KCNQ1: variants seen among roughly 807,000 people sequenced by gnomAD.
KCNQ1 encodes the protein potassium voltage-gated channel subfamily KQT member 1.
KCNQ1 carries 49 observed loss-of-function variants against 72.4 expected under a neutral mutation model. That is an observed-to-expected ratio of 0.68 (90% confidence interval 0.54 to 0.86). The LOEUF is 0.86. KCNQ1 is among the 40% of genes least tolerant of loss of function. KCNQ1 has a pLI of 0.00. For missense variants in KCNQ1, 790 were observed against 945.1 expected, an observed-to-expected ratio of 0.84 and a Z score of 2.15; for synonymous variants, 450 against 412.6, an observed-to-expected ratio of 1.09 and a Z score of -1.10.
In KCNQ1 at chr11:2,737,316, C is replaced by T. The variant is rs74728949; in HGVS notation, c.1515-31528C>T. Among the ~76,000 whole-genome samples, 1,996 of 152,240 alleles carry T rather than the reference C, an allele frequency of 0.013. 87 individuals are homozygous for T. The East Asian group carries it at 0.14, about 11-fold the overall frequency. ...AGCTGCTGCCGTGTGGGTGGATGTCCGGCCACTGCCCAGCCACCTCTCTGT... is the reference window on the plus strand; with the variant it reads ...AGCTGCTGCCGTGTGGGTGGATGTCTGGCCACTGCCCAGCCACCTCTCTGT... On this transcript the variant is annotated intron_variant, in intron 11 of 15. Coordinates refer to ENST00000155840, the MANE Select transcript of KCNQ1 (RefSeq NM_000218.3).
In KCNQ1 at chr11:2,674,861, G is replaced by T. The variant is rs184476132; in HGVS notation, c.1514+12780G>T. On this transcript the variant is annotated intron_variant, in intron 11 of 15. Transcript: ENST00000155840. The surrounding 1 kb of genome is among the most constrained non-coding windows in gnomAD (Gnocchi z 5.9). Reference sequence around the variant, plus strand: ...AAAAAAAAAAAAAAAAAAAAAAAAAGCTCACTGGGCACCTTGGCTGCAGGG... The same window carrying T: ...AAAAAAAAAAAAAAAAAAAAAAAAATCTCACTGGGCACCTTGGCTGCAGGG... The T allele has an allele frequency of 3.3e-6, 1 of 302,870 alleles. No individual in the cohort carries two copies. Among genetic ancestry groups the T allele is most frequent in the African/African-American group, 3.9e-5 (1 of 25,972 alleles). The allele number at this position is 302,870 out of a possible 1,614,324, so 18.8% of individuals were successfully genotyped here.
Position 2,571,994 on chromosome 11 carries a change from C to T in KCNQ1, c.684-19C>T. 6.2e-7 allele frequency: 1 copy of T among 1,606,022 alleles called. No individual in the cohort carries two copies. Among genetic ancestry groups the T allele is most frequent in the Non-Finnish European group, 8.5e-7 (1 of 1,175,456 alleles). On this transcript the variant is annotated intron_variant, in intron 4 of 15. Coordinates refer to ENST00000155840, the MANE Select transcript of KCNQ1 (RefSeq NM_000218.3). Reference sequence around the variant, plus strand: ...GAGCCCAGCCTGGCTCCCTCAGCCCCACACCATCTCCTTCGCAGGGGCATC... The same window carrying T: ...GAGCCCAGCCTGGCTCCCTCAGCCCTACACCATCTCCTTCGCAGGGGCATC...
At position 2,676,675 on chromosome 11, in the gene KCNQ1, G is replaced by A. The variant is rs1850300590; in HGVS notation, c.1514+14594G>A. 5.0e-6 allele frequency: 2 copies of A among 398,662 alleles called. No individual in the cohort carries two copies. The highest frequency in any genetic ancestry group is 8.8e-6 in the Non-Finnish European group (2 of 226,074). The allele number at this position is 398,662 out of a possible 1,614,324, so 24.7% of individuals were successfully genotyped here. A position where few individuals can be genotyped will look rare whatever the true frequency, so the allele number is the denominator to read the frequency against. ...TCATTAAGGTCTTGAGTATTTCCAAGGGAGCACTAACTGGACTACAGCCTG... is the reference window on the plus strand; with the variant it reads ...TCATTAAGGTCTTGAGTATTTCCAAAGGAGCACTAACTGGACTACAGCCTG... On this transcript the variant is annotated intron_variant, in intron 11 of 15. Coordinates refer to ENST00000155840, the MANE Select transcript of KCNQ1 (RefSeq NM_000218.3). This position sits in a 1 kb window ranked among gnomAD's most constrained non-coding sequence, Gnocchi z 4.2.
chr11:2,583,697 G>A (rs1270168422), intron 7 of KCNQ1, 152 bp downstream of exon 7: 20 of 701,944 alleles, frequency 2.8e-5, no homozygotes, highest in South Asian at 1.3e-4. Context: ...AGCCCCACCT[G>A]CCCTCCCTGG....
intron 15 of KCNQ1, among the ~76,000 whole-genome samples, chr11:2,794,174 T>C (rs1847085582): frequency 1.3e-5 from 2 of 152,116 alleles, no homozygotes; most frequent in African/African-American, 2.4e-5. Context: ...GGTGAGGGGC[T>C]GCTGTGGGAT....
chr11:2,598,904 C>T lies in KCNQ1; in HGVS notation c.1393+10050C>T, dbSNP rs904359990. Among the ~76,000 whole-genome samples, 1 of 152,238 alleles carries T rather than the reference C, an allele frequency of 6.6e-6. No homozygotes were observed. Among genetic ancestry groups the T allele is most frequent in the Admixed American group, 6.5e-5 (1 of 15,278 alleles). Reference sequence around the variant, plus strand: ...GTGAGTTAGAACATGTAAGTGCTCACCCAGGACCCATATGCAGCAAACAGT... The same window carrying T: ...GTGAGTTAGAACATGTAAGTGCTCATCCAGGACCCATATGCAGCAAACAGT... On this transcript the variant is annotated intron_variant, in intron 10 of 15. Transcript: ENST00000155840. This position sits in a 1 kb window ranked among gnomAD's most constrained non-coding sequence, Gnocchi z 6.2.
Position 2,562,641 on chromosome 11 carries a change from C to T in KCNQ1, c.478-7987C>T, listed in dbSNP as rs892703827. 1.3e-5 allele frequency among the ~76,000 whole-genome samples: 2 copies of T among 152,188 alleles called. No individual in the cohort carries two copies. Among genetic ancestry groups the T allele is most frequent in the African/African-American group, 4.8e-5 (2 of 41,452 alleles). On this transcript the variant is annotated intron_variant, in intron 2 of 15. Transcript: ENST00000155840. The surrounding 1 kb of genome is among the most constrained non-coding windows in gnomAD (Gnocchi z 7.5). ...CCCTGTGTCCACCCCTCTTCAGAGT[C>T]TCCAGGCCCCATCTTGGCCTGATGA...
In KCNQ1 at chr11:2,679,884, T is replaced by G; in HGVS notation, c.1514+17803T>G. On this transcript the variant is annotated intron_variant, in intron 11 of 15. Transcript: ENST00000155840. This position sits in a 1 kb window ranked among gnomAD's most constrained non-coding sequence, Gnocchi z 4.8. ...CATATAAACTTAGAACTAGCACGCCTAATTTTTTTTTTATTTTTATTTTTT... is the reference window on the plus strand; with the variant it reads ...CATATAAACTTAGAACTAGCACGCCGAATTTTTTTTTTATTTTTATTTTTT... 1 of 398,176 alleles carries G rather than the reference T, an allele frequency of 2.5e-6. No individual in the cohort carries two copies. The highest frequency in any genetic ancestry group is 4.4e-6 in the Non-Finnish European group (1 of 226,062). The allele number at this position is 398,176 out of a possible 1,614,324, so 24.7% of individuals were successfully genotyped here. A position where few individuals can be genotyped will look rare whatever the true frequency, so the allele number is the denominator to read the frequency against.
intron 1 of KCNQ1, among the ~76,000 whole-genome samples, chr11:2,512,313 G>A (rs369423822): frequency 1.6e-3 from 247 of 152,310 alleles, no homozygotes; most frequent in South Asian, 9.9e-3. Flanking sequence ...CATCCTCCCC[G>A]TCGATGCCTG....
chr11:2,739,896 A>G (rs1846022576), intron 11 of KCNQ1, among the ~76,000 whole-genome samples: 1 of 152,270 alleles, frequency 6.6e-6, no homozygotes, highest in Non-Finnish European at 1.5e-5. Context: ...GGGTCGGGAC[A>G]GAGGCCTCAC....
chr11:2,505,387 C>T (rs189016493), intron 1 of KCNQ1, among the ~76,000 whole-genome samples: 25 of 152,248 alleles, frequency 1.6e-4, no homozygotes, highest in East Asian at 9.7e-4. Context: ...AGACTTAATT[C>T]GTGGCCTGAT....
At chr11:2,655,943 C>T (rs1849838841) in intron 10 of KCNQ1, 1 of 398,608 alleles carries the variant, frequency 2.5e-6, no homozygotes, top group African/African-American at 2.1e-5. Flanking sequence ...ACACATTCCT[C>T]TCTGGCAGGT....
At chr11:2,539,631 C>T (rs895885095) in intron 2 of KCNQ1, among the ~76,000 whole-genome samples, 13 of 152,222 alleles carry the variant, frequency 8.5e-5, no homozygotes, top group African/African-American at 2.7e-4. Context: ...TGAAGGGCGG[C>T]CGCGGCTTTC....
At chr11:2,765,236 A>G (rs1310572792) in intron 11 of KCNQ1, among the ~76,000 whole-genome samples, 1 of 152,184 alleles carries the variant, frequency 6.6e-6, no homozygotes, top group African/African-American at 2.4e-5. Context: ...TTTGATTCTC[A>G]TTATATATTT....
rs1219345670 is a variant in KCNQ1, at chr11:2,566,684, CTCT to C, written c.478-3937_478-3935del. Among the ~76,000 whole-genome samples the C allele has an allele frequency of 1.3e-5, 2 of 152,116 alleles. No individual in the cohort carries two copies. Among genetic ancestry groups the C allele is most frequent in the East Asian group, 1.9e-4 (1 of 5,178 alleles). On this transcript the variant is annotated intron_variant, in intron 2 of 15. Coordinates refer to ENST00000155840, the MANE Select transcript of KCNQ1 (RefSeq NM_000218.3). The surrounding 1 kb of genome is among the most constrained non-coding windows in gnomAD (Gnocchi z 6.7). Reference sequence around the variant, plus strand: ...TGGTCTCAGTGGAGACCAAGGACGGCTCTTCTTCTCGTATCTACGGGGCAGAGC... The same window carrying C: ...TGGTCTCAGTGGAGACCAAGGACGGCTCTTCTCGTATCTACGGGGCAGAGC...
At chr11:2,615,358 C>T in intron 10 of KCNQ1, 1 of 398,016 alleles carries the variant, frequency 2.5e-6, no homozygotes, top group Non-Finnish European at 4.4e-6. Flanking sequence ...TTTACTGCTT[C>T]CTTTCCAATT....
chr11:2,680,470 GA>G (rs1850377021), intron 11 of KCNQ1: 1 of 398,138 alleles, frequency 2.5e-6, no homozygotes, highest in Admixed American at 4.4e-5. Flanking sequence ...GAGGACTACT[GA>G]TTTTTTTTTA....
At chr11:2,688,460 G>A (rs1447659650) in intron 11 of KCNQ1, 2 of 398,738 alleles carry the variant, frequency 5.0e-6, no homozygotes, top group East Asian at 7.1e-5. Context: ...TTTCACAGGA[G>A]AACACCACAC....
intron 10 of KCNQ1, chr11:2,625,257 T>C (rs1849244462): frequency 1.0e-5 from 4 of 398,580 alleles, no homozygotes; most frequent in Non-Finnish European, 1.8e-5. Context: ...TCTGTTTATG[T>C]GGGATTTTTT....
Sources: gnomAD v4.1 joint callset for allele counts (sites outside exome capture counted in the v4.1 genomes callset) on GRCh38, gnomAD v4.1.1 for gene constraint, Gnocchi (gnomAD v3.1) non-coding constraint, MANE v1.5 for transcripts, NCBI Gene and HGNC (gene_info 2026-07-23, HGNC 2026-07-21) for gene names.